HIVEP2: variants seen among roughly 807,000 people sequenced by gnomAD.
HIVEP2 encodes HIVEP zinc finger 2.
Under a neutral mutation model 180.7 loss-of-function variants are expected in HIVEP2, and 14 were observed. The observed-to-expected ratio is 0.08, with a 90% CI of 0.05 to 0.12. HIVEP2 has a LOEUF of 0.12. Among genes scored for constraint, HIVEP2 ranks in the 10% least tolerant of loss-of-function variants. HIVEP2 has a pLI of 1.00. For synonymous variants in HIVEP2, 1,184 were observed against 1,136.4 expected, an observed-to-expected ratio of 1.04 and a Z score of -0.84; for missense variants, 2,579 against 3,008.5, an observed-to-expected ratio of 0.86 and a Z score of 3.34.
rs190511537 is a variant in HIVEP2 at position 142,926,398 on chromosome 6, G to C, written c.-641+18701C>G. On this transcript the variant is annotated intron_variant, in intron 1 of 9. Coordinates refer to ENST00000367603, the MANE Select transcript of HIVEP2 (RefSeq NM_006734.4). ...TGATTCTGTCTGGAAGTGTATTAAC[G>C]GCATGATGTTTGTGCTTTGCACTAA... Among the ~76,000 whole-genome samples, 7 of 152,254 alleles carry C rather than the reference G, an allele frequency of 4.6e-5. No individual in the cohort carries two copies. In the East Asian group the frequency reaches 1.4e-3, roughly 29 times the overall value.
At chr6:142,844,562 C>T (rs757887076) in intron 1 of HIVEP2, among the ~76,000 whole-genome samples, 3 of 152,086 alleles carry the variant, frequency 2.0e-5, no homozygotes, top group South Asian at 4.1e-4. Context: ...AGTTACTGTC[C>T]GAGGTATGTT....
chr6:142,910,580 G>A (rs985856317), intron 1 of HIVEP2, among the ~76,000 whole-genome samples: 6 of 152,208 alleles, frequency 3.9e-5, no homozygotes, highest in Non-Finnish European at 7.3e-5. Context: ...CCAGCCTGGT[G>A]ACACAGCGAG....
chr6:142,845,024 T>C (rs1454070704), intron 1 of HIVEP2, among the ~76,000 whole-genome samples: 1 of 152,248 alleles, frequency 6.6e-6, no homozygotes, highest in African/African-American at 2.4e-5. Context: ...CTTTGCAGGC[T>C]GCACGCTGCA....
At chr6:142,926,373 T>C (rs1207032279) in intron 1 of HIVEP2, among the ~76,000 whole-genome samples, 1 of 152,246 alleles carries the variant, frequency 6.6e-6, no homozygotes, top group Non-Finnish European at 1.5e-5. Context: ...TTTCTTGTAA[T>C]GATTCTGTCT....
Position 142,756,456 on chromosome 6 carries a change from G to A in HIVEP2, c.6517-2525C>T, listed in dbSNP as rs561708299. Among the ~76,000 whole-genome samples, 99 of 152,258 alleles carry A rather than the reference G, an allele frequency of 6.5e-4. 1 individual carries two copies. Among genetic ancestry groups the A allele is most frequent in the African/African-American group, 2.3e-3 (95 of 41,528 alleles). The stretch of plus-strand genomic sequence containing the variant: ...CACGTTCTTTCAGGAACAAAAATCT[G>A]CATGGGCCACCTCCCTGGCTGCCAG... On this transcript the variant is annotated intron_variant, in intron 9 of 9. Transcript: ENST00000367603.
At chr6:142,761,968 C>T (rs894895322) in intron 7 of HIVEP2, among the ~76,000 whole-genome samples, 10 of 152,170 alleles carry the variant, frequency 6.6e-5, no homozygotes, top group Non-Finnish European at 1.5e-4. Context: ...AGAGATACTT[C>T]AGAATGAAAT....
intron 1 of HIVEP2, among the ~76,000 whole-genome samples, chr6:142,843,242 AAT>A (rs1775415993): frequency 6.6e-6 from 1 of 152,228 alleles, no homozygotes; most frequent in African/African-American, 2.4e-5. Flanking sequence ...AGTCTGTAAC[AAT>A]AGTTTCCTAA....
At chr6:142,824,756 ATCT>A (rs1479726080) in intron 2 of HIVEP2, among the ~76,000 whole-genome samples, 1 of 152,196 alleles carries the variant, frequency 6.6e-6, no homozygotes, top group African/African-American at 2.4e-5. Flanking sequence ...CAACTTGGAA[ATCT>A]TCTGCCCCAT....
intron 6 of HIVEP2, 119 bp from the exon 7 acceptor site, chr6:142,765,093 T>C: frequency 3.5e-6 from 3 of 859,588 alleles, no homozygotes; most frequent in Non-Finnish European, 3.5e-6. Context: ...AGACAATTAT[T>C]CAACTTTACT....
intron 1 of HIVEP2, among the ~76,000 whole-genome samples, chr6:142,900,696 G>C (rs994857846): frequency 1.3e-5 from 2 of 152,208 alleles, no homozygotes; most frequent in African/African-American, 4.8e-5. Context: ...TTTCTGGAGA[G>C]AGAAGGGAGG....
chr6:142,781,789 G>C lies in HIVEP2; in HGVS notation c.-433+1732C>G, dbSNP rs1314148274. Among the ~76,000 whole-genome samples, 3 of 152,114 alleles carry C rather than the reference G, an allele frequency of 2.0e-5. No homozygotes were observed. The East Asian group carries it at 5.8e-4, about 29-fold the overall frequency. ...TAATTTCCCCAGACAGGGTCCCAAA[G>C]GAAAGACACATAAACAGCCTCCTAG... On this transcript the variant is annotated intron_variant, in intron 3 of 9. Coordinates refer to ENST00000367603, the MANE Select transcript of HIVEP2 (RefSeq NM_006734.4).
At chr6:142,915,834 C>T (rs1215425788) in intron 1 of HIVEP2, among the ~76,000 whole-genome samples, 1 of 152,190 alleles carries the variant, frequency 6.6e-6, no homozygotes, top group Non-Finnish European at 1.5e-5. Flanking sequence ...ACCCCTTCCT[C>T]CAGACTCCTA....
At chr6:142,944,019 G>T (rs1778240891) in intron 1 of HIVEP2, among the ~76,000 whole-genome samples, 1 of 152,220 alleles carries the variant, frequency 6.6e-6, no homozygotes, top group African/African-American at 2.4e-5. Context: ...TTCCCTTGGT[G>T]TAGCTAGTTA....
intron 1 of HIVEP2, among the ~76,000 whole-genome samples, chr6:142,878,356 C>T (rs191511623): frequency 1.3e-5 from 2 of 152,264 alleles, no homozygotes; most frequent in South Asian, 2.1e-4. Context: ...ATTTTCCAAA[C>T]GATTCACAGC....
At chr6:142,838,998 C>T (rs1775294769) in intron 1 of HIVEP2, among the ~76,000 whole-genome samples, 1 of 151,982 alleles carries the variant, frequency 6.6e-6, no homozygotes, top group African/African-American at 2.4e-5. Context: ...TTTCAGTGTT[C>T]CCATAGAGTA....
In HIVEP2 at chr6:142,801,409, G is replaced by T. The variant is rs1776407259; in HGVS notation, c.-527-17794C>A. The stretch of plus-strand genomic sequence containing the variant: ...AGCCTGGGAGACAGAGTGAGACTCT[G>T]TCTCAAAAAAAAAAAAAAAAAAAAA... On this transcript the variant is annotated intron_variant, in intron 2 of 9. Transcript: ENST00000367603. Among the ~76,000 whole-genome samples, 6 of 74,782 alleles carry T rather than the reference G, an allele frequency of 8.0e-5. No individual in the cohort carries two copies. The South Asian group carries it at 2.6e-3, about 33-fold the overall frequency. The allele number at this position is 74,782 out of a possible 152,430, so 49.1% of individuals were successfully genotyped here.
Position 142,825,731 on chromosome 6 carries a change from T to C in HIVEP2, c.-528+11204A>G, listed in dbSNP as rs537701150. On this transcript the variant is annotated intron_variant, in intron 2 of 9. Transcript: ENST00000367603. ...TCAGAGAGTGTGACTAAAAATGCTATCGTGAGTTAAAAAGATTTAAAAATG... is the reference window on the plus strand; with the variant it reads ...TCAGAGAGTGTGACTAAAAATGCTACCGTGAGTTAAAAAGATTTAAAAATG... 6.6e-4 allele frequency among the ~76,000 whole-genome samples: 101 copies of C among 152,270 alleles called. 1 individual carries two copies. The highest frequency in any genetic ancestry group is 2.4e-3 in the African/African-American group (99 of 41,566).
intron 2 of HIVEP2, among the ~76,000 whole-genome samples, chr6:142,796,715 C>T (rs1367118417): frequency 2.0e-5 from 3 of 152,106 alleles, no homozygotes; most frequent in African/African-American, 4.8e-5. Flanking sequence ...CTGTGGGTCC[C>T]ATGGTGTTAT....
rs140742145 is a variant in HIVEP2 at position 142,774,499 on chromosome 6, T to A, written c.240A>T (p.Ala80=). The A allele has an allele frequency of 2.4e-4, 394 of 1,614,166 alleles. 1 individual carries two copies. In the African/African-American group the frequency reaches 3.1e-3, roughly 13 times the overall value. The part of the protein sequence containing the change: ...ASPSEVVQQV[A]EKQYPPHRPS... The stretch of plus-strand genomic sequence containing the variant: ...GACGATGCGGTGGATATTGCTTCTC[T>A]GCGACTTGCTGCACCACTTCACTAG... Residue 80 remains alanine, a synonymous_variant, in exon 5 of 10, where the codon GCA becomes GCT. Coordinates refer to ENST00000367603, the MANE Select transcript of HIVEP2 (RefSeq NM_006734.4). This position sits in a 1 kb window ranked among gnomAD's most constrained non-coding sequence, Gnocchi z 5.1.
Sources: gnomAD v4.1 joint callset for allele counts (sites outside exome capture counted in the v4.1 genomes callset) on GRCh38, gnomAD v4.1.1 for gene constraint, Gnocchi (gnomAD v3.1) non-coding constraint, MANE v1.5 for transcripts, NCBI Gene and HGNC (gene_info 2026-07-23, HGNC 2026-07-21) for gene names.